Variants in DCDC1 observed in about 807,000 individuals in gnomAD.
DCDC1 encodes the protein doublecortin domain-containing protein 1.
DCDC1 carries 200 observed loss-of-function variants against 178.3 expected under a neutral mutation model. The ratio of observed to expected loss-of-function variants is 1.12; its 90% CI spans 1.00 to 1.26. The LOEUF (loss-of-function observed/expected upper bound fraction) is 1.26, where lower values mean the gene tolerates loss of function less well. Ranked by LOEUF, DCDC1 falls within the 50% of genes most tolerant of loss-of-function variation. The probability of loss-of-function intolerance (pLI) is 0.00; values close to 1 mark genes in which losing one functional copy is unlikely to be tolerated. For synonymous variants in DCDC1, 690 were observed against 604.8 expected (o/e 1.14, Z -2.07); for missense variants, 1,983 against 1,749.2 (o/e 1.13, Z -2.38).
At chr11:30,931,689 C>G in intron 22 of DCDC1, 82 bp downstream of exon 22, 1 of 1,373,834 alleles carries the variant, frequency 7.3e-7, no homozygotes, top group Non-Finnish European at 9.7e-7. Context: ...AGAATTCCCA[C>G]AGAAAAACAT....
intron 1 of DCDC1, among the ~76,000 whole-genome samples, chr11:31,365,223 T>A (rs902091772): frequency 6.6e-6 from 1 of 152,202 alleles, no homozygotes; most frequent in Non-Finnish European, 1.5e-5. Context: ...AATAGGTGAA[T>A]GAAGGCTGTA....
chr11:31,138,191 C>G (rs1330423666), intron 9 of DCDC1, among the ~76,000 whole-genome samples: 1 of 152,118 alleles, frequency 6.6e-6, no homozygotes, highest in Non-Finnish European at 1.5e-5. Context: ...AAGTCAATGA[C>G]ATAAACTAAA....
At chr11:31,197,996 A>G (rs1175392424) in intron 9 of DCDC1, among the ~76,000 whole-genome samples, 1 of 152,016 alleles carries the variant, frequency 6.6e-6, no homozygotes, top group Non-Finnish European at 1.5e-5. Flanking sequence ...TATTTTATGA[A>G]GTATACAGTT....
chr11:31,308,938 C>A (rs567690539), intron 3 of DCDC1, among the ~76,000 whole-genome samples: 1 of 151,506 alleles, frequency 6.6e-6, no homozygotes, highest in African/African-American at 2.4e-5. Flanking sequence ...CCAAACACAC[C>A]CCCAATTATA....
At chr11:30,880,540 T>C (rs1942568643) in intron 37 of DCDC1, among the ~76,000 whole-genome samples, 1 of 152,162 alleles carries the variant, frequency 6.6e-6, no homozygotes, top group Non-Finnish European at 1.5e-5. Context: ...AATCTTTTAG[T>C]TTCCTTTAGA....
intron 17 of DCDC1, among the ~76,000 whole-genome samples, chr11:31,087,046 C>G (rs1957524776): frequency 6.6e-6 from 1 of 152,016 alleles, no homozygotes; most frequent in African/African-American, 2.4e-5. Flanking sequence ...GGAAGGTTTT[C>G]CATTTCTTTA....
At chr11:31,349,573 T>C (rs1449834635) in intron 1 of DCDC1, among the ~76,000 whole-genome samples, 2 of 152,222 alleles carry the variant, frequency 1.3e-5, no homozygotes, top group African/African-American at 2.4e-5. Context: ...ACAGAAATGC[T>C]CATATTAAGA....
intron 35 of DCDC1, among the ~76,000 whole-genome samples, chr11:30,893,777 C>G (rs1009579408): frequency 6.6e-6 from 1 of 152,180 alleles, no homozygotes; most frequent in Non-Finnish European, 1.5e-5. Flanking sequence ...TGACCTTTAT[C>G]TTTTTGACTT....
intron 37 of DCDC1, 21 bp downstream of exon 37, chr11:30,881,136 GA>G (rs775488434): frequency 1.2e-6 from 2 of 1,611,108 alleles, no homozygotes; most frequent in Non-Finnish European, 1.7e-6. Flanking sequence ...AGACTTGATG[GA>G]AAAGAAACTA....
At chr11:31,181,746 C>A (rs1968829124) in intron 9 of DCDC1, among the ~76,000 whole-genome samples, 1 of 152,108 alleles carries the variant, frequency 6.6e-6, no homozygotes. Flanking sequence ...GTAGATAAAT[C>A]CACAAAGATG....
At chr11:30,993,161 A>G (rs1951080159) in intron 20 of DCDC1, among the ~76,000 whole-genome samples, 1 of 152,144 alleles carries the variant, frequency 6.6e-6, no homozygotes, top group African/African-American at 2.4e-5. Flanking sequence ...TCAAAATACT[A>G]TGTGTAATTT....
intron 6 of DCDC1, among the ~76,000 whole-genome samples, chr11:31,302,271 T>C (rs1411482614): frequency 1.3e-5 from 2 of 152,186 alleles, no homozygotes; most frequent in Non-Finnish European, 1.5e-5. Flanking sequence ...CTAGCAGTTA[T>C]AAAGGAACTG....
At chr11:30,940,239 C>A (rs1947544741) in intron 21 of DCDC1, among the ~76,000 whole-genome samples, 1 of 152,090 alleles carries the variant, frequency 6.6e-6, no homozygotes, top group African/African-American at 2.4e-5. Flanking sequence ...GTTCCTTTCT[C>A]AGGAAGCCAA....
intron 9 of DCDC1, among the ~76,000 whole-genome samples, chr11:31,229,310 G>A (rs908488274): frequency 1.3e-5 from 2 of 151,928 alleles, no homozygotes; most frequent in African/African-American, 4.8e-5. Flanking sequence ...AATAAACTAT[G>A]GGCCAATGCC....
chr11:30,987,163 T>A (rs751756994), intron 20 of DCDC1, among the ~76,000 whole-genome samples: 5 of 152,020 alleles, frequency 3.3e-5, no homozygotes, highest in African/African-American at 4.8e-5. Flanking sequence ...ACTACAGGCA[T>A]GCATCATCAC....
intron 1 of DCDC1, among the ~76,000 whole-genome samples, chr11:31,354,024 A>C (rs1239538567): frequency 6.6e-6 from 1 of 152,206 alleles, no homozygotes; most frequent in African/African-American, 2.4e-5. Flanking sequence ...GCGGTGGCTC[A>C]CGCCTGTAAT....
chr11:31,340,276 C>T (rs1373638838), intron 1 of DCDC1, among the ~76,000 whole-genome samples: 2 of 152,110 alleles, frequency 1.3e-5, no homozygotes, highest in Non-Finnish European at 2.9e-5. Flanking sequence ...CTACCCCACA[C>T]TATTCTGGGG....
intron 9 of DCDC1, among the ~76,000 whole-genome samples, chr11:31,199,383 A>T (rs1971044059): frequency 6.6e-6 from 1 of 152,118 alleles, no homozygotes; most frequent in Admixed American, 6.6e-5. Flanking sequence ...GAGGATCAAC[A>T]AAACTTAAGA....
At chr11:30,924,696 A>G (rs1946486708) in intron 23 of DCDC1, among the ~76,000 whole-genome samples, 1 of 152,200 alleles carries the variant, frequency 6.6e-6, no homozygotes, top group African/African-American at 2.4e-5. Context: ...AGAGCAGGAG[A>G]TAGAAATTAC....
Sources: gnomAD v4.1 joint callset for allele counts (sites outside exome capture counted in the v4.1 genomes callset) on GRCh38, gnomAD v4.1.1 for gene constraint, MANE v1.5 for transcripts, NCBI Gene and HGNC (gene_info 2026-07-23, HGNC 2026-07-21) for gene names.